Variants in LINGO2 observed in about 807,000 individuals in gnomAD.
The protein encoded by LINGO2 is leucine rich repeat and Ig domain containing 2.
Under a neutral mutation model 30.6 loss-of-function variants are expected in LINGO2, and 14 were observed. That is an observed-to-expected ratio of 0.46 (90% CI 0.30 to 0.72). The LOEUF is 0.72. Among genes scored for constraint, LINGO2 ranks in the 30% least tolerant of loss-of-function variants. The pLI is 0.07. For synonymous variants in LINGO2, 317 were observed against 288.5 expected, an observed-to-expected ratio of 1.10 and a Z score of -1.00; for missense variants, 729 against 751.7, an observed-to-expected ratio of 0.97 and a Z score of 0.35.
chr9:28,133,415 T>C (rs1250962093), intron 4 of LINGO2, among the ~76,000 whole-genome samples: 2 of 152,182 alleles, frequency 1.3e-5, no homozygotes, highest in Non-Finnish European at 2.9e-5. Flanking sequence ...GACATTCATG[T>C]AGAGCTGTCA....
intron 1 of LINGO2, among the ~76,000 whole-genome samples, chr9:28,632,771 T>C (rs983198162): frequency 7.2e-6 from 1 of 139,142 alleles, no homozygotes; most frequent in Non-Finnish European, 1.5e-5. Flanking sequence ...TAGATTTATA[T>C]ATTATATATC....
intron 3 of LINGO2, among the ~76,000 whole-genome samples, chr9:28,343,618 A>C (rs1819449652): frequency 6.6e-6 from 1 of 152,174 alleles, no homozygotes; most frequent in Non-Finnish European, 1.5e-5. Flanking sequence ...GACTCAATTA[A>C]CATAATAGGA....
chr9:28,999,659 A>G, the LINGO2 span, among the ~76,000 whole-genome samples: 2 of 152,020 alleles, frequency 1.3e-5, no homozygotes, highest in African/African-American at 4.8e-5. Context: ...TGCAAAATCT[A>G]TTTCTGAATG....
the LINGO2 span, among the ~76,000 whole-genome samples, chr9:28,689,832 A>T: frequency 6.6e-6 from 1 of 152,186 alleles, no homozygotes; most frequent in Non-Finnish European, 1.5e-5. Context: ...AATGACCATC[A>T]ATGATAGACT....
intron 1 of LINGO2, among the ~76,000 whole-genome samples, chr9:28,645,192 G>A (rs888936307): frequency 6.6e-6 from 1 of 152,024 alleles, no homozygotes; most frequent in African/African-American, 2.4e-5. Context: ...GTTATGGTGA[G>A]TTAATTAATT....
Position 28,148,450 on chromosome 9 carries a change from G to C in LINGO2, c.-86-136045C>G. 7.2e-7 allele frequency: 1 copy of C among 1,391,518 alleles called. No individual in the cohort carries two copies. Among genetic ancestry groups the C allele is most frequent in the Non-Finnish European group, 9.8e-7 (1 of 1,016,140 alleles). The allele number at this position is 1,391,518 out of a possible 1,614,324, so 86.2% of individuals were successfully genotyped here. On this transcript the variant is annotated intron_variant, in intron 4 of 5. Coordinates refer to ENST00000379992, the Ensembl canonical transcript of LINGO2. This position sits in a 1 kb window ranked among gnomAD's most constrained non-coding sequence, Gnocchi z 5.1. ...CGAAGATGGAGGTGAGGGCAGAAGA[G>C]CCCAGAGAAGCAACGGAGGTGACAG...
the LINGO2 span, among the ~76,000 whole-genome samples, chr9:28,676,778 C>A: frequency 6.6e-6 from 1 of 151,946 alleles, no homozygotes; most frequent in Non-Finnish European, 1.5e-5. Context: ...TTTTGAAAAC[C>A]CAAGAGTGAA....
At chr9:28,544,165 T>C (rs1821828548) in intron 1 of LINGO2, among the ~76,000 whole-genome samples, 1 of 151,764 alleles carries the variant, frequency 6.6e-6, no homozygotes, top group Admixed American at 6.6e-5. Context: ...ATCAAGCCAC[T>C]GCACTCCAGT....
At chr9:29,090,930 T>C in the LINGO2 span, among the ~76,000 whole-genome samples, 1 of 152,076 alleles carries the variant, frequency 6.6e-6, no homozygotes, top group Non-Finnish European at 1.5e-5. Context: ...ATCTTGAGAT[T>C]ATCTTCCACA....
At chr9:28,088,177 G>T (rs911073618) in intron 4 of LINGO2, among the ~76,000 whole-genome samples, 1 of 145,682 alleles carries the variant, frequency 6.9e-6, no homozygotes, top group Admixed American at 7.2e-5. Context: ...AGGAGATGAA[G>T]AAATAAGATT....
the LINGO2 span, among the ~76,000 whole-genome samples, chr9:28,838,472 T>G: frequency 6.6e-6 from 1 of 152,210 alleles, no homozygotes; most frequent in Admixed American, 6.5e-5. Context: ...TAAAAACTTT[T>G]GAGGATCCTC....
the LINGO2 span, among the ~76,000 whole-genome samples, chr9:28,838,588 C>T: frequency 2.0e-5 from 3 of 152,144 alleles, no homozygotes; most frequent in Admixed American, 6.5e-5. Flanking sequence ...CTCTTATTTG[C>T]TCAAGCTAAT....
At chr9:28,535,023 C>A (rs1821371892) in intron 1 of LINGO2, among the ~76,000 whole-genome samples, 1 of 152,046 alleles carries the variant, frequency 6.6e-6, no homozygotes, top group Admixed American at 6.6e-5. Context: ...AAAGCTTTAA[C>A]AATGACTTTA....
the LINGO2 span, among the ~76,000 whole-genome samples, chr9:29,082,111 G>A: frequency 4.9e-4 from 74 of 151,990 alleles, no homozygotes; most frequent in African/African-American, 1.7e-3. Context: ...AAAAGAGCCT[G>A]CATCGCCAAG....
intron 1 of LINGO2, among the ~76,000 whole-genome samples, chr9:28,533,057 T>G (rs1040573058): frequency 6.6e-6 from 1 of 151,862 alleles, no homozygotes; most frequent in Admixed American, 6.6e-5. Context: ...CAAAGGAGAT[T>G]GCCAAAGGTG....
chr9:28,161,584 G>A (rs998889427), intron 4 of LINGO2, among the ~76,000 whole-genome samples: 1 of 151,936 alleles, frequency 6.6e-6, no homozygotes, highest in Non-Finnish European at 1.5e-5. Flanking sequence ...GCCTCTTAAG[G>A]GTAAAAAATA....
At chr9:28,292,919 C>T (rs753000303) in intron 4 of LINGO2, among the ~76,000 whole-genome samples, 4 of 151,366 alleles carry the variant, frequency 2.6e-5, no homozygotes, top group Admixed American at 1.3e-4. Flanking sequence ...TACAGGTGCC[C>T]GCCACCACGC....
chr9:28,538,355 G>A (rs1821523866), intron 1 of LINGO2, among the ~76,000 whole-genome samples: 1 of 152,062 alleles, frequency 6.6e-6, no homozygotes, highest in African/African-American at 2.4e-5. Context: ...TGAGACTGGT[G>A]ATTGAATTTA....
At chr9:28,353,858 A>G (rs952788628) in intron 3 of LINGO2, among the ~76,000 whole-genome samples, 1 of 152,182 alleles carries the variant, frequency 6.6e-6, no homozygotes, top group Non-Finnish European at 1.5e-5. Flanking sequence ...TTGTAGGGAC[A>G]TGGATGAAAT....
Sources: allele counts gnomAD v4.1 joint callset (sites outside exome capture counted in the v4.1 genomes callset), GRCh38; gene constraint gnomAD v4.1.1; non-coding constraint Gnocchi (gnomAD v3.1); transcripts MANE v1.5; gene names NCBI Gene and HGNC (gene_info 2026-07-23, HGNC 2026-07-21).